The following NRXN3 variants were observed in gnomAD, a reference collection of about 807,000 sequenced individuals.
NRXN3 encodes the protein neurexin 3.
NRXN3 carries 32 observed loss-of-function variants against 137.6 expected under a neutral mutation model. The ratio of observed to expected loss-of-function variants is 0.23; its 90% CI spans 0.18 to 0.31. The LOEUF (loss-of-function observed/expected upper bound fraction) is 0.31, where lower values mean the gene tolerates loss of function less well. NRXN3 is among the 10% of genes least tolerant of loss of function. The pLI, the probability that NRXN3 is intolerant of heterozygous loss-of-function variation, is 1.00. For synonymous variants in NRXN3, 798 were observed against 784.5 expected (o/e 1.02, Z -0.29); for missense variants, 1,574 against 2,062.5 (o/e 0.76, Z 4.59).
intron 15 of NRXN3, among the ~76,000 whole-genome samples, chr14:79,030,046 T>G (rs1246079078): frequency 1.4e-5 from 2 of 145,848 alleles, no homozygotes; most frequent in African/African-American, 5.4e-5. Flanking sequence ...TCTTTCTTTC[T>G]TTCTTTTTTT....
chr14:79,695,386 A>C (rs2098731823), intron 18 of NRXN3, among the ~76,000 whole-genome samples: 1 of 151,996 alleles, frequency 6.6e-6, no homozygotes, highest in African/African-American at 2.4e-5. Context: ...CCAGTGCTGA[A>C]CTATACACAA....
chr14:79,098,721 G>A (rs898946577), intron 15 of NRXN3, among the ~76,000 whole-genome samples: 7 of 152,168 alleles, frequency 4.6e-5, no homozygotes, highest in African/African-American at 1.7e-4. Context: ...CCTGCAAGAG[G>A]AAACTCATCG....
chr14:79,409,224 G>GAT (rs143060478), intron 15 of NRXN3, among the ~76,000 whole-genome samples: 185 of 150,370 alleles, frequency 1.2e-3, no homozygotes, highest in African/African-American at 3.6e-3. Context: ...GGTAGCATGT[G>GAT]ATATATATAT....
At chr14:78,227,944 T>A (rs181819156) in intron 1 of NRXN3, among the ~76,000 whole-genome samples, 4 of 152,092 alleles carry the variant, frequency 2.6e-5, no homozygotes, top group Non-Finnish European at 4.4e-5. Context: ...AATATGAAAA[T>A]GCTTTTCAGG....
intron 10 of NRXN3, among the ~76,000 whole-genome samples, chr14:78,902,228 A>C (rs1340130090): frequency 1.4e-4 from 21 of 152,222 alleles, no homozygotes; most frequent in Non-Finnish European, 1.5e-5. Context: ...CCCTGATGGC[A>C]ACATATAGAC....
chr14:78,857,071 ATG>A (rs1248706029), intron 10 of NRXN3, among the ~76,000 whole-genome samples: 1 of 152,138 alleles, frequency 6.6e-6, no homozygotes, highest in Non-Finnish European at 1.5e-5. Context: ...ATGGTTACAT[ATG>A]TTATGCAATG....
intron 19 of NRXN3, among the ~76,000 whole-genome samples, chr14:79,705,276 C>A (rs116727237): frequency 5.3e-5 from 8 of 152,006 alleles, no homozygotes; most frequent in Non-Finnish European, 2.9e-5. Flanking sequence ...ACTCTTTAGC[C>A]GAATCTAAAG....
intron 4 of NRXN3, among the ~76,000 whole-genome samples, chr14:78,591,875 C>T (rs550186629): frequency 6.6e-6 from 1 of 152,272 alleles, no homozygotes; most frequent in Admixed American, 6.5e-5. Flanking sequence ...CCCCTCTTCC[C>T]CTGTGGAATG....
chr14:78,514,518 A>G (rs2096170881), intron 4 of NRXN3, among the ~76,000 whole-genome samples: 1 of 152,150 alleles, frequency 6.6e-6, no homozygotes. Context: ...TTTTGCCTGT[A>G]ATGGTTTCTG....
chr14:78,231,358 A>C (rs1458831822), intron 1 of NRXN3: 1 of 152,390 alleles, frequency 6.6e-6, no homozygotes, highest in Non-Finnish European at 1.5e-5. Context: ...TCTAGGCATC[A>C]CAGTGATTCC....
At chr14:78,353,277 T>G (rs942805919) in intron 4 of NRXN3, among the ~76,000 whole-genome samples, 2 of 152,142 alleles carry the variant, frequency 1.3e-5, no homozygotes, top group Non-Finnish European at 2.9e-5. Flanking sequence ...TTAGAGTCCA[T>G]TTGGGCTACT....
chr14:78,291,851 T>C (rs1005154682), intron 3 of NRXN3, among the ~76,000 whole-genome samples: 1 of 152,262 alleles, frequency 6.6e-6, no homozygotes, highest in African/African-American at 2.4e-5. Flanking sequence ...AAAGTTACTC[T>C]GAAAGCGAGT....
chr14:79,068,879 G>T (rs2099683967), intron 15 of NRXN3, among the ~76,000 whole-genome samples: 1 of 152,058 alleles, frequency 6.6e-6, no homozygotes, highest in African/African-American at 2.4e-5. Flanking sequence ...CAAGCTGGTG[G>T]GAGGTTTCAG....
chr14:78,632,452 C>T (rs979235307), intron 4 of NRXN3, among the ~76,000 whole-genome samples: 1 of 151,902 alleles, frequency 6.6e-6, no homozygotes, highest in African/African-American at 2.4e-5. Flanking sequence ...CTCCCACAGG[C>T]ATATTATTGA....
chr14:78,768,932 A>G (rs72685437), intron 8 of NRXN3, among the ~76,000 whole-genome samples: 2,722 of 152,302 alleles, frequency 0.018, 40 homozygotes, highest in Non-Finnish European at 0.03. Flanking sequence ...ATCCATTACA[A>G]AGGCATGATT....
At chr14:78,356,160 C>T (rs148865157) in intron 4 of NRXN3, among the ~76,000 whole-genome samples, 2 of 152,340 alleles carry the variant, frequency 1.3e-5, no homozygotes, top group African/African-American at 4.8e-5. Flanking sequence ...TTGGCCCTCT[C>T]TCTTCTCTGA....
intron 19 of NRXN3, among the ~76,000 whole-genome samples, chr14:79,740,960 A>G (rs1391654670): frequency 6.6e-6 from 1 of 151,520 alleles, no homozygotes; most frequent in Non-Finnish European, 1.5e-5. Context: ...ACATCACATA[A>G]TTTAACTCCA....
chr14:79,339,333 T>C (rs1176979040), intron 15 of NRXN3, among the ~76,000 whole-genome samples: 3 of 152,200 alleles, frequency 2.0e-5, no homozygotes, highest in Non-Finnish European at 4.4e-5. Context: ...GACTCTCAAC[T>C]TGAATGTACA....
At chr14:78,967,128 C>A in intron 12 of NRXN3, 80 bp from the exon 13 acceptor site, 1 of 1,215,156 alleles carries the variant, frequency 8.2e-7, no homozygotes, top group Non-Finnish European at 1.1e-6. Context: ...TTGAAGCCCA[C>A]TATGTCAGTT....
Sources: gnomAD v4.1 joint callset for allele counts (sites outside exome capture counted in the v4.1 genomes callset) on GRCh38, gnomAD v4.1.1 for gene constraint, MANE v1.5 for transcripts, NCBI Gene and HGNC (gene_info 2026-07-23, HGNC 2026-07-21) for gene names.